ANGPT4: variants seen among roughly 807,000 people sequenced by gnomAD.
The protein encoded by ANGPT4 is angiopoietin-4.
A neutral mutation model predicts 53.0 loss-of-function variants in ANGPT4; 50 were observed. The ratio of observed to expected loss-of-function variants is 0.94; its 90% CI spans 0.75 to 1.20. ANGPT4 has a LOEUF of 1.20. Ranked by LOEUF, ANGPT4 falls within the 50% of genes most tolerant of loss-of-function variation. ANGPT4 has a pLI of 0.00. For synonymous variants in ANGPT4, 251 were observed against 259.7 expected (o/e 0.97, Z 0.32); for missense variants, 648 against 637.1 (o/e 1.02, Z -0.18).
chr20:907,995 G>A (rs1982544630), intron 1 of ANGPT4, among the ~76,000 whole-genome samples: 1 of 152,206 alleles, frequency 6.6e-6, no homozygotes, highest in South Asian at 2.1e-4. Context: ...ATTACTCACA[G>A]CTGGTAAAGG....
At chr20:880,162 A>C (rs1213141175) in intron 5 of ANGPT4, among the ~76,000 whole-genome samples, 1 of 152,182 alleles carries the variant, frequency 6.6e-6, no homozygotes, top group Non-Finnish European at 1.5e-5. Flanking sequence ...GAGTCACGTA[A>C]AGTGTTTAGA....
chr20:886,014 A>G (rs1981607030), intron 3 of ANGPT4, among the ~76,000 whole-genome samples: 3 of 152,212 alleles, frequency 2.0e-5, no homozygotes, highest in Admixed American at 2.0e-4. Context: ...GTTTGAGTGG[A>G]TGAAGATGGA....
rs370382364 is a variant in ANGPT4, at chr20:887,954, G to A, written c.587+364C>T. Among the ~76,000 whole-genome samples, 149 of 152,116 alleles carry A rather than the reference G, an allele frequency of 9.8e-4. 4 individuals are homozygous for A. In the East Asian group the frequency reaches 0.024, roughly 24 times the overall value. On this transcript the variant is annotated intron_variant, in intron 3 of 8. Transcript: ENST00000381922. ...AGGGTGTCCTGGGCCCCAGGAAGAT[G>A]CCTATCCCCTGTCCCACCCAGTGCA...
At position 885,091 on chromosome 20, in the gene ANGPT4, G is replaced by C. The variant is rs143483356; in HGVS notation, c.822C>G (p.Asn274Lys). The C allele has an allele frequency of 9.9e-6, 16 of 1,613,568 alleles. No individual in the cohort carries two copies. In the African/African-American group the frequency reaches 1.9e-4, roughly 19 times the overall value. The change falls in exon 4 of 9, where the codon AAC (asparagine) becomes AAG (lysine). Residue 274 changes from asparagine to lysine, a missense_variant. Transcript: ENST00000381922. ...LLRHLVQERA[N>K]ASAPAFIMAG... The stretch of plus-strand genomic sequence containing the variant: ...CCGCTCACTCACCCGGGGCCGAGGC[G>C]TTAGCCCTTTCTTGCACCAGGTGCC...
rs1284552241 is a variant in ANGPT4 at position 872,935 on chromosome 20, G to T, written c.*25C>A. On this transcript the variant is annotated 3_prime_UTR_variant, in exon 9 of 9. Coordinates refer to ENST00000381922, the MANE Select transcript of ANGPT4 (RefSeq NM_015985.4). ...GCCAAGTCCGAGCTTCTCCTGTGTG[G>T]TCCAGCCTCTGGCACAGCTGCTCGT... 6.2e-7 allele frequency: 1 copy of T among 1,613,284 alleles called. No homozygotes were observed. The highest frequency in any genetic ancestry group is 1.3e-5 in the African/African-American group (1 of 75,058).
At chr20:879,597 G>A (rs1284517302) in intron 6 of ANGPT4, 150 bp downstream of exon 6, 5 of 439,434 alleles carry the variant, frequency 1.1e-5, no homozygotes, top group East Asian at 7.0e-5. Context: ...TCAGGTGATG[G>A]GGTCCCATAA....
rs750528347 is a variant in ANGPT4 at position 872,954 on chromosome 20, T to A, written c.*6A>T. On this transcript the variant is annotated 3_prime_UTR_variant, in exon 9 of 9. Transcript: ENST00000381922. ...TGTGTGGTCCAGCCTCTGGCACAGCTGCTCGTTAGATGTCCAAAGGCCGTA... is the reference window on the plus strand; with the variant it reads ...TGTGTGGTCCAGCCTCTGGCACAGCAGCTCGTTAGATGTCCAAAGGCCGTA... 5 of 1,613,844 alleles carry A rather than the reference T, an allele frequency of 3.1e-6. No homozygotes were observed. Among genetic ancestry groups the A allele is most frequent in the Non-Finnish European group, 4.2e-6 (5 of 1,179,962 alleles).
intron 1 of ANGPT4, among the ~76,000 whole-genome samples, chr20:906,340 C>T (rs1185418953): frequency 6.6e-6 from 1 of 152,152 alleles, no homozygotes; most frequent in East Asian, 1.9e-4. Flanking sequence ...GGCCGAGCCC[C>T]AGCCCAGGTC....
At chr20:873,902 C>G (rs1474196924) in intron 8 of ANGPT4, among the ~76,000 whole-genome samples, 3 of 152,196 alleles carry the variant, frequency 2.0e-5, no homozygotes, top group Non-Finnish European at 4.4e-5. Context: ...AGGAACACTG[C>G]CTGAGCCACA....
intron 7 of ANGPT4, among the ~76,000 whole-genome samples, chr20:874,922 G>A (rs1981102201): frequency 6.6e-6 from 1 of 151,916 alleles, no homozygotes. Context: ...GTCTCACTAT[G>A]TTGCCCAGGC....
In ANGPT4 at chr20:881,212, C is replaced by T; in HGVS notation, c.910G>A (p.Val304Ile). Reference sequence around the variant, plus strand: ...GCATTGGACACCTGGATGGTGTAGACACCACTGGCACTGGCCCCAGAGCGC... The same window carrying T: ...GCATTGGACACCTGGATGGTGTAGATACCACTGGCACTGGCCCCAGAGCGC... ...IQRSGASASG[V>I]YTIQVSNATK... Residue 304 changes from valine to isoleucine, a missense_variant, in exon 5 of 9, where the codon GTC becomes ATC. Val to Ile is a conservative substitution (Grantham distance 29). Transcript: ENST00000381922. 6.2e-7 allele frequency: 1 copy of T among 1,611,380 alleles called. No homozygotes were observed. Among genetic ancestry groups the T allele is most frequent in the Non-Finnish European group, 8.5e-7 (1 of 1,178,624 alleles).
At chr20:880,317 A>G (rs780213092) in intron 5 of ANGPT4, among the ~76,000 whole-genome samples, 17 of 152,304 alleles carry the variant, frequency 1.1e-4, no homozygotes, top group Admixed American at 6.5e-4. Flanking sequence ...GTGAAAGGAA[A>G]TAGAGCAATG....
At chr20:884,655 T>C (rs1313618930) in intron 4 of ANGPT4, among the ~76,000 whole-genome samples, 1 of 152,082 alleles carries the variant, frequency 6.6e-6, no homozygotes, top group Non-Finnish European at 1.5e-5. Flanking sequence ...AGAGAGGTCC[T>C]TGGGGTGCAT....
chr20:898,824 G>A (rs1293651159), intron 1 of ANGPT4, among the ~76,000 whole-genome samples: 1 of 152,228 alleles, frequency 6.6e-6, no homozygotes, highest in African/African-American at 2.4e-5. Flanking sequence ...TGCTTCAAGT[G>A]CTGGAAATCT....
chr20:901,474 G>A (rs962348726), intron 1 of ANGPT4, among the ~76,000 whole-genome samples: 2 of 151,824 alleles, frequency 1.3e-5, no homozygotes, highest in African/African-American at 4.8e-5. Flanking sequence ...CTATAAAACT[G>A]CCCCACCCCA....
At chr20:915,687 T>C (rs1313423023) in intron 1 of ANGPT4, among the ~76,000 whole-genome samples, 1 of 152,144 alleles carries the variant, frequency 6.6e-6, no homozygotes, top group African/African-American at 2.4e-5. Context: ...AATGGATTTC[T>C]GTTGGATGAA....
Position 885,194 on chromosome 20 carries a change from C to A in ANGPT4, c.719G>T (p.Gly240Val), listed in dbSNP as rs1244256069. Residue 240 changes from glycine to valine, a missense_variant, in exon 4 of 9, where the codon GGC becomes GTC. Coordinates refer to ENST00000381922, the MANE Select transcript of ANGPT4 (RefSeq NM_015985.4). ...GGAGTTGTGCCTGACACCGCGCAGGCCGCGCTCGATGTTGGTGAGGGCGGC... is the reference window on the plus strand; with the variant it reads ...GGAGTTGTGCCTGACACCGCGCAGGACGCGCTCGATGTTGGTGAGGGCGGC... The part of the protein sequence containing the change: ...QSAALTNIER[G>V]LRGVRHNSSL... 3 of 1,600,496 alleles carry A rather than the reference C, an allele frequency of 1.9e-6. No homozygotes were observed. Among genetic ancestry groups the A allele is most frequent in the Non-Finnish European group, 2.6e-6 (3 of 1,173,586 alleles).
chr20:884,930 T>G, intron 4 of ANGPT4, 148 bp downstream of exon 4: 1 of 1,155,668 alleles, frequency 8.7e-7, no homozygotes, highest in Non-Finnish European at 1.2e-6. Flanking sequence ...TTATTACTGT[T>G]TATTGTTGTT....
chr20:914,359 G>A lies in ANGPT4; in HGVS notation c.309+1547C>T, dbSNP rs965644849. Among the ~76,000 whole-genome samples the A allele has an allele frequency of 6.6e-6, 1 of 152,184 alleles. No homozygotes were observed. The highest frequency in any genetic ancestry group is 6.5e-5 in the Admixed American group (1 of 15,286). On this transcript the variant is annotated intron_variant, in intron 1 of 8. Transcript: ENST00000381922. This position sits in a 1 kb window ranked among gnomAD's most constrained non-coding sequence, Gnocchi z 5.0. ...GACAAGGAGGGCCTCTGGGGAGATG[G>A]CGCTGGAGAGGATAGGAGGCTGGGG... is the stretch of plus-strand genomic sequence containing the variant.
Sources: gnomAD v4.1 joint callset for allele counts (sites outside exome capture counted in the v4.1 genomes callset) on GRCh38, gnomAD v4.1.1 for gene constraint, Gnocchi (gnomAD v3.1) non-coding constraint, MANE v1.5 for transcripts, NCBI Gene and HGNC (gene_info 2026-07-23, HGNC 2026-07-21) for gene names.